Variants in KCNAB1 observed in about 807,000 individuals in gnomAD.
KCNAB1 encodes the protein potassium voltage-gated channel subfamily A regulatory beta subunit 1.
In KCNAB1, 35 loss-of-function variants were observed where a neutral mutation model predicts 64.6. The observed-to-expected ratio is 0.54, with a 90% CI of 0.41 to 0.72. The LOEUF is 0.72. Ranked by LOEUF, KCNAB1 falls within the 30% of genes least tolerant of loss-of-function variation. The probability of loss-of-function intolerance (pLI) is 0.00; values close to 1 mark genes in which losing one functional copy is unlikely to be tolerated. For synonymous variants in KCNAB1, 177 were observed against 183.8 expected, an observed-to-expected ratio of 0.96 and a Z score of 0.30; for missense variants, 401 against 512.9, an observed-to-expected ratio of 0.78 and a Z score of 2.11.
chr3:156,419,318 C>T (rs1211874005), intron 1 of KCNAB1, among the ~76,000 whole-genome samples: 1 of 151,874 alleles, frequency 6.6e-6, no homozygotes, highest in African/African-American at 2.4e-5. Flanking sequence ...CTGGCTAACA[C>T]AGTGAAACCC....
At chr3:156,492,001 C>T (rs1576935296) in intron 8 of KCNAB1, among the ~76,000 whole-genome samples, 1 of 152,178 alleles carries the variant, frequency 6.6e-6, no homozygotes, top group East Asian at 1.9e-4. Context: ...AAGACACAGA[C>T]AAGAATGTAA....
At chr3:156,469,244 CTTTCTTTTTTTTTT>C (rs1352743321) in intron 7 of KCNAB1, among the ~76,000 whole-genome samples, 2 of 124,630 alleles carry the variant, frequency 1.6e-5, no homozygotes, top group African/African-American at 6.1e-5. Context: ...TTCTTTCTTT[CTTTCTTTTTTTTTT>C]TTTTTTTTTT....
chr3:156,343,610 G>A (rs958258676), intron 1 of KCNAB1, among the ~76,000 whole-genome samples: 1 of 152,200 alleles, frequency 6.6e-6, no homozygotes, highest in Non-Finnish European at 1.5e-5. Context: ...CACTGTAGCT[G>A]AGACCTTCCC....
intron 1 of KCNAB1, among the ~76,000 whole-genome samples, chr3:156,393,695 T>C (rs191360219): frequency 6.6e-6 from 1 of 152,188 alleles, no homozygotes; most frequent in Non-Finnish European, 1.5e-5. Flanking sequence ...TATCAGCCAG[T>C]ATATGACAGA....
At chr3:156,218,662 A>AGCAGGTGCTG in intron 1 of KCNAB1, among the ~76,000 whole-genome samples, 1 of 151,918 alleles carries the variant, frequency 6.6e-6, no homozygotes, top group Admixed American at 6.6e-5. Flanking sequence ...CCTCCACTGA[A>AGCAGGTGCTG]GCAGGTGCTG....
At chr3:156,273,961 G>A (rs532164118) in intron 1 of KCNAB1, among the ~76,000 whole-genome samples, 42 of 152,224 alleles carry the variant, frequency 2.8e-4, no homozygotes, top group African/African-American at 1.0e-3. Flanking sequence ...GTACTCCCCA[G>A]GTAAGAAGTG....
At chr3:156,119,423 G>T (rs1713222254), upstream of KCNAB1, among the ~76,000 whole-genome samples, 1 of 152,184 alleles carries the variant, frequency 6.6e-6, no homozygotes, top group Admixed American at 6.5e-5. Flanking sequence ...TTCCAAAAGA[G>T]CTAACTGCAC....
At chr3:156,462,902 G>T (rs1713030081) in intron 5 of KCNAB1, among the ~76,000 whole-genome samples, 4 of 152,096 alleles carry the variant, frequency 2.6e-5, no homozygotes, top group African/African-American at 7.2e-5. Flanking sequence ...CTTATTCCAT[G>T]ATCATAATGC....
chr3:156,216,216 C>A (rs562699678), intron 1 of KCNAB1, among the ~76,000 whole-genome samples: 2 of 152,334 alleles, frequency 1.3e-5, no homozygotes, highest in African/African-American at 4.8e-5. Flanking sequence ...GTAACCTTAG[C>A]TACTTCATGC....
At chr3:156,391,808 T>C (rs1416775491) in intron 1 of KCNAB1, among the ~76,000 whole-genome samples, 5 of 152,230 alleles carry the variant, frequency 3.3e-5, no homozygotes, top group Non-Finnish European at 7.3e-5. Flanking sequence ...CAAAAAGTCA[T>C]GTGACTTAGA....
At chr3:156,169,804 G>T (rs1711842718) in intron 1 of KCNAB1, among the ~76,000 whole-genome samples, 1 of 152,298 alleles carries the variant, frequency 6.6e-6, no homozygotes, top group South Asian at 2.1e-4. Flanking sequence ...GGCCATGATT[G>T]TAGGTTTCCT....
intron 1 of KCNAB1, among the ~76,000 whole-genome samples, chr3:156,132,399 A>T (rs917706509): frequency 1.3e-5 from 2 of 152,226 alleles, no homozygotes; most frequent in East Asian, 3.8e-4. Flanking sequence ...ATGTCAGTCT[A>T]TGAGCATCAG....
chr3:156,335,680 G>GA (rs201091592), intron 1 of KCNAB1, among the ~76,000 whole-genome samples: 3,292 of 152,178 alleles, frequency 0.022, 85 homozygotes, highest in Non-Finnish European at 0.026. Flanking sequence ...GATACCTCAA[G>GA]AAAAAATCTT....
chr3:156,502,548 AC>A, intron 8 of KCNAB1, among the ~76,000 whole-genome samples: 1 of 149,798 alleles, frequency 6.7e-6, no homozygotes, highest in East Asian at 1.9e-4. Context: ...ACACACACAC[AC>A]ACACACACAC....
chr3:156,127,918 T>TGTGTGTGCGC (rs33965119), intron 1 of KCNAB1, among the ~76,000 whole-genome samples: 3 of 149,848 alleles, frequency 2.0e-5, no homozygotes, highest in African/African-American at 7.4e-5. Flanking sequence ...TGTGTGTGTG[T>TGTGTGTGCGC]GCACGTGCGT....
At chr3:156,380,692 A>C (rs1712084002) in intron 1 of KCNAB1, among the ~76,000 whole-genome samples, 1 of 152,224 alleles carries the variant, frequency 6.6e-6, no homozygotes, top group African/African-American at 2.4e-5. Flanking sequence ...AGCCTTAGGG[A>C]AATTAGAAAC....
At chr3:156,481,113 A>G (rs916138019) in intron 8 of KCNAB1, among the ~76,000 whole-genome samples, 1 of 152,090 alleles carries the variant, frequency 6.6e-6, no homozygotes, top group African/African-American at 2.4e-5. Context: ...CTCATCTACA[A>G]TCACAGTAGC....
chr3:156,407,146 A>C (rs1039022785), intron 1 of KCNAB1, among the ~76,000 whole-genome samples: 1 of 151,456 alleles, frequency 6.6e-6, no homozygotes, highest in African/African-American at 2.4e-5. Flanking sequence ...CCTGGCTCCT[A>C]TCTCTCTCTC....
At position 156,536,995 on chromosome 3, in the gene KCNAB1, C is replaced by A. The variant is rs898600226; in HGVS notation, c.*248C>A. The A allele has an allele frequency of 1.7e-5, 9 of 514,772 alleles. No individual in the cohort carries two copies. Among genetic ancestry groups the A allele is most frequent in the African/African-American group, 1.7e-4 (9 of 51,898 alleles). The allele number at this position is 514,772 out of a possible 1,614,324, so 31.9% of individuals were successfully genotyped here. On this transcript the variant is annotated 3_prime_UTR_variant, in exon 14 of 14. Transcript: ENST00000490337. ...ACCTATTCTTGCATTGCTGTATACA[C>A]CTCATGCTTATGCAATGGGAAGAAT...
Sources: allele counts gnomAD v4.1 joint callset (sites outside exome capture counted in the v4.1 genomes callset), GRCh38; gene constraint gnomAD v4.1.1; transcripts MANE v1.5; gene names NCBI Gene and HGNC (gene_info 2026-07-23, HGNC 2026-07-21).